Variants in WLS observed in about 807,000 individuals in gnomAD.
WLS encodes protein wntless homolog.
In WLS, 23 loss-of-function variants were observed where a neutral mutation model predicts 62.8. The ratio of observed to expected loss-of-function variants is 0.37; its 90% CI spans 0.26 to 0.52. The LOEUF is 0.52. WLS is among the 20% of genes least tolerant of loss of function. The pLI, the probability that WLS is intolerant of heterozygous loss-of-function variation, is 0.92. For missense variants in WLS, 615 were observed against 697.3 expected (o/e 0.88, Z 1.33); for synonymous variants, 246 against 244.1 (o/e 1.01, Z -0.07).
chr1:68,125,459 C>T lies in WLS; in HGVS notation c.*767G>A. On this transcript the variant is annotated 3_prime_UTR_variant, in exon 12 of 12. Transcript: ENST00000262348. ...CACTTTTGGAGGCTATTTGAAGTAT[C>T]TTATCAAAATAAAACGCATTTTAAG... 1.0e-6 allele frequency: 1 copy of T among 985,392 alleles called. No individual in the cohort carries two copies. The highest frequency in any genetic ancestry group is 1.2e-6 in the Non-Finnish European group (1 of 829,922). 61.0% of individuals were successfully genotyped at this position (985,392 alleles called of 1,614,324 possible).
Position 68,159,224 on chromosome 1 carries a change from C to T in WLS, c.403G>A (p.Asp135Asn), listed in dbSNP as rs767220868. The T allele has an allele frequency of 1.2e-6, 2 of 1,613,920 alleles. No individual in the cohort carries two copies. Among genetic ancestry groups the T allele is most frequent in the South Asian group, 1.1e-5 (1 of 91,008 alleles). ...TCATCACGGTAAGCCAGGGAAACGT[C>T]CATGGAGACTTCTGCATTTTCTCCT... ...QIRENAEVSM[D>N]VSLAYRDDAF... The change falls in exon 3 of 12, where the codon GAC becomes AAC. Residue 135 changes from aspartate (D) to asparagine (N), a missense_variant. Coordinates refer to ENST00000262348, the MANE Select transcript of WLS (RefSeq NM_024911.7).
At chr1:68,127,124 A>G (rs1012164790) in intron 11 of WLS, 4 of 404,592 alleles carry the variant, frequency 9.9e-6, no homozygotes, top group Non-Finnish European at 2.0e-5. Context: ...GAGCACAGGA[A>G]TTCTAGGCTG....
chr1:68,136,010 G>C (rs1646604305), intron 11 of WLS, among the ~76,000 whole-genome samples: 2 of 152,202 alleles, frequency 1.3e-5, no homozygotes, highest in Admixed American at 1.3e-4. Context: ...TCAGACCAGA[G>C]ATGGGCTTGA....
intron 11 of WLS, among the ~76,000 whole-genome samples, chr1:68,103,546 G>A (rs985453116): frequency 1.3e-5 from 2 of 152,196 alleles, no homozygotes; most frequent in African/African-American, 4.8e-5. Flanking sequence ...ATTGGAGGCT[G>A]TACTGGTGGT....
chr1:68,163,594 C>G (rs1473325464), intron 2 of WLS, among the ~76,000 whole-genome samples: 2 of 150,754 alleles, frequency 1.3e-5, no homozygotes, highest in South Asian at 2.1e-4. Context: ...TCCGCTACCC[C>G]GCTCTCCCCA....
chr1:68,217,861 C>T (rs1329283389), intron 1 of WLS, among the ~76,000 whole-genome samples: 1 of 152,170 alleles, frequency 6.6e-6, no homozygotes, highest in African/African-American at 2.4e-5. Flanking sequence ...TTAGGCATGG[C>T]AAGGACACAG....
At chr1:68,112,322 C>T (rs186157090) in intron 11 of WLS, among the ~76,000 whole-genome samples, 9 of 152,342 alleles carry the variant, frequency 5.9e-5, no homozygotes, top group Non-Finnish European at 1.3e-4. Flanking sequence ...TCAGCAGTCT[C>T]CTCTTGGCTT....
chr1:68,144,753 C>T, intron 9 of WLS, 101 bp from the exon 10 acceptor site: 1 of 914,332 alleles, frequency 1.1e-6, no homozygotes, highest in African/African-American at 1.7e-5. Context: ...ATCTGTAAAA[C>T]CAAATCCCTA....
chr1:68,183,410 G>T, intron 2 of WLS: 1 of 302,532 alleles, frequency 3.3e-6, no homozygotes, highest in South Asian at 3.0e-5. Context: ...ACTACCAATG[G>T]CCTGTTCCAT....
chr1:68,192,155 AGAAT>A (rs1188568331), intron 2 of WLS, among the ~76,000 whole-genome samples: 1 of 152,218 alleles, frequency 6.6e-6, no homozygotes, highest in Admixed American at 6.5e-5. Flanking sequence ...AATGGGCAAG[AGAAT>A]GAATGAATGA....
intron 2 of WLS, among the ~76,000 whole-genome samples, chr1:68,178,525 T>C (rs776053872): frequency 6.6e-6 from 1 of 151,862 alleles, no homozygotes; most frequent in Non-Finnish European, 1.5e-5. Flanking sequence ...TGACTAACAT[T>C]GTGAAACCCC....
intron 1 of WLS, among the ~76,000 whole-genome samples, chr1:68,211,610 C>T (rs1284296105): frequency 1.3e-5 from 2 of 152,296 alleles, no homozygotes; most frequent in South Asian, 2.1e-4. Flanking sequence ...AATTGAGATG[C>T]TTGGATTTTC....
At chr1:68,187,276 C>T (rs987670322) in intron 2 of WLS, among the ~76,000 whole-genome samples, 2 of 149,436 alleles carry the variant, frequency 1.3e-5, no homozygotes, top group African/African-American at 4.9e-5. Context: ...TTCTTGATAG[C>T]TCTATTAAGA....
intron 11 of WLS, among the ~76,000 whole-genome samples, chr1:68,112,114 G>A (rs1222681242): frequency 6.6e-6 from 1 of 152,200 alleles, no homozygotes; most frequent in Non-Finnish European, 1.5e-5. Context: ...CTGGGTCAGC[G>A]CCAGCCTGTG....
At position 68,137,949 on chromosome 1, in the gene WLS, G is replaced by T; in HGVS notation, c.1363-16C>A. The T allele has an allele frequency of 6.2e-7, 1 of 1,613,074 alleles. No homozygotes were observed. Among genetic ancestry groups the T allele is most frequent in the Non-Finnish European group, 8.5e-7 (1 of 1,179,498 alleles). On this transcript the variant is annotated splice_polypyrimidine_tract_variant and intron_variant, in intron 10 of 11. Transcript: ENST00000262348. ...CTTCCGTTACCTGCGGAGAAAGGAT[G>T]GTGATATTCAATTGAAACAGAGAAG...
intron 2 of WLS, chr1:68,162,123 G>C: frequency 6.5e-7 from 1 of 1,528,638 alleles, no homozygotes; most frequent in Admixed American, 1.7e-5. Flanking sequence ...TGCTGTACCA[G>C]GCAGTGTGAG....
At chr1:68,227,132 G>A (rs1202981005) in intron 1 of WLS, among the ~76,000 whole-genome samples, 1 of 152,202 alleles carries the variant, frequency 6.6e-6, no homozygotes. Flanking sequence ...GGCATCTTGT[G>A]CCTGTAATCC....
chr1:68,209,338 T>C (rs901667900), intron 1 of WLS, among the ~76,000 whole-genome samples: 7 of 152,226 alleles, frequency 4.6e-5, no homozygotes, highest in African/African-American at 1.4e-4. Flanking sequence ...TTCTCAGCAA[T>C]TCATAACCAT....
chr1:68,192,717 C>T (rs1648384496), intron 2 of WLS, among the ~76,000 whole-genome samples: 1 of 146,336 alleles, frequency 6.8e-6, no homozygotes, highest in Non-Finnish European at 1.5e-5. Flanking sequence ...TGAACTCCAG[C>T]CTGGGCCAGC....
Sources: gnomAD v4.1 joint callset for allele counts (sites outside exome capture counted in the v4.1 genomes callset) on GRCh38, gnomAD v4.1.1 for gene constraint, MANE v1.5 for transcripts, NCBI Gene and HGNC (gene_info 2026-07-23, HGNC 2026-07-21) for gene names.